Variants in ITPR1 observed in about 807,000 individuals in gnomAD.
ITPR1 encodes inositol 1,4,5-trisphosphate receptor type 1.
A neutral mutation model predicts 318.4 loss-of-function variants in ITPR1; 96 were observed. The observed-to-expected ratio is 0.30, with a 90% confidence interval of 0.26 to 0.36. The LOEUF (loss-of-function observed/expected upper bound fraction) is 0.36, where lower values mean the gene tolerates loss of function less well. Among genes scored for constraint, ITPR1 ranks in the 10% least tolerant of loss-of-function variants. The pLI is 1.00. For missense variants in ITPR1, 2,440 were observed against 3,460.2 expected (o/e 0.71, Z 7.40); for synonymous variants, 1,312 against 1,289.9 (o/e 1.02, Z -0.37).
intron 4 of ITPR1, among the ~76,000 whole-genome samples, chr3:4,544,076 T>G (rs2084732810): frequency 6.6e-6 from 1 of 152,202 alleles, no homozygotes; most frequent in Admixed American, 6.5e-5. Context: ...AAAACTTATC[T>G]TCATGCTCCT....
intron 5 of ITPR1, among the ~76,000 whole-genome samples, chr3:4,637,870 A>G (rs979109909): frequency 7.9e-5 from 12 of 152,238 alleles, no homozygotes; most frequent in Admixed American, 5.2e-4. Context: ...AACTTAGGTC[A>G]CCTTTTGAAA....
chr3:4,800,561 C>A lies in ITPR1; in HGVS notation c.7068C>A (p.Val2356=). The change falls in exon 54 of 62, where the codon GTC becomes GTA. Residue 2356 remains valine, a synonymous_variant. Transcript: ENST00000649015. ...ASTILRLIFS[V]GLQPTLFLLG... is the part of the protein sequence containing the mutation. ...CAATTCTACGACTGATATTTTCAGT[C>A]GGGTTACAACCCACGTTGTTTCTTC... 1 of 1,614,002 alleles carries A rather than the reference C, an allele frequency of 6.2e-7. No homozygotes were observed. The highest frequency in any genetic ancestry group is 8.5e-7 in the Non-Finnish European group (1 of 1,179,900).
intron 4 of ITPR1, among the ~76,000 whole-genome samples, chr3:4,560,480 C>G (rs2086565135): frequency 6.6e-6 from 1 of 151,940 alleles, no homozygotes; most frequent in Non-Finnish European, 1.5e-5. Flanking sequence ...AAGGAAAAAC[C>G]AAATTGAATA....
In ITPR1 at chr3:4,818,240, A is replaced by C; in HGVS notation, c.8026A>C (p.Lys2676Gln). 2 of 1,565,448 alleles carry C rather than the reference A, an allele frequency of 1.3e-6. No individual in the cohort carries two copies. Among genetic ancestry groups the C allele is most frequent in the Middle Eastern group, 1.7e-4 (1 of 5,848 alleles). Reference protein sequence around the residue: ...GPESYVAEMIKERNLDWFPRM... With the variant: ...GPESYVAEMIQERNLDWFPRM... ...TGAGAGTTACGTGGCAGAAATGATC[A>C]AGGTGAGTGGAAAGGCCTCCTGGGA... is the stretch of plus-strand genomic sequence containing the variant. Residue 2676 changes from lysine to glutamine, a missense_variant and splice_region_variant, in exon 60 of 62, where the codon AAG becomes CAG. Physicochemically the swap from Lys to Gln is moderately conservative, Grantham distance 53 (BLOSUM62 1). Around this residue, in one of 23 missense-constraint regions of ITPR1, gnomAD observed 72 missense variants for 197.7 expected, o/e 0.36. Transcript: ENST00000649015.
At chr3:4,732,999 T>C (rs1278259602) in intron 42 of ITPR1, 89 bp from the exon 43 acceptor site, 1 of 1,358,692 alleles carries the variant, frequency 7.4e-7, no homozygotes, top group African/African-American at 1.4e-5. Flanking sequence ...GGGCCAATTA[T>C]AACTGAGTAC....
intron 4 of ITPR1, among the ~76,000 whole-genome samples, chr3:4,627,337 GC>G (rs1357939632): frequency 6.6e-6 from 1 of 152,148 alleles, no homozygotes; most frequent in African/African-American, 2.4e-5. Flanking sequence ...GGTGGCATGT[GC>G]CTGTAGTCCC....
At chr3:4,678,191 G>A (rs1333115148) in intron 24 of ITPR1, among the ~76,000 whole-genome samples, 4 of 152,252 alleles carry the variant, frequency 2.6e-5, no homozygotes, top group East Asian at 1.9e-4. Flanking sequence ...TAATTAGGAC[G>A]ATAAAGACAG....
chr3:4,636,955 C>T (rs1452017784), intron 5 of ITPR1, among the ~76,000 whole-genome samples: 1 of 152,192 alleles, frequency 6.6e-6, no homozygotes, highest in Non-Finnish European at 1.5e-5. Flanking sequence ...TTATACTGTA[C>T]TTATTCTAAG....
chr3:4,605,249 G>A (rs536500692), intron 4 of ITPR1, among the ~76,000 whole-genome samples: 1 of 152,194 alleles, frequency 6.6e-6, no homozygotes, highest in East Asian at 1.9e-4. Context: ...ACCCTGCCCG[G>A]CCCTATAGTT....
chr3:4,785,246 C>A (rs577897333), intron 51 of ITPR1, among the ~76,000 whole-genome samples: 4 of 152,316 alleles, frequency 2.6e-5, no homozygotes, highest in South Asian at 4.1e-4. Flanking sequence ...CTGGAATTTT[C>A]ATCCTGATCT....
At chr3:4,545,853 A>G (rs181675097) in intron 4 of ITPR1, among the ~76,000 whole-genome samples, 1 of 152,004 alleles carries the variant, frequency 6.6e-6, no homozygotes, top group Admixed American at 6.6e-5. Flanking sequence ...TAGGACCCCC[A>G]TGCTTGGCTA....
chr3:4,733,332 G>T, intron 43 of ITPR1, 112 bp downstream of exon 43: 1 of 1,303,476 alleles, frequency 7.7e-7, no homozygotes, highest in Non-Finnish European at 1.1e-6. Flanking sequence ...TTGTGTTGCA[G>T]GTGTATTTTT....
At chr3:4,665,623 T>C (rs147971056) in intron 17 of ITPR1, among the ~76,000 whole-genome samples, 12 of 152,178 alleles carry the variant, frequency 7.9e-5, no homozygotes, top group Non-Finnish European at 1.6e-4. Flanking sequence ...ATTAAAGATA[T>C]AGTGGAGTCT....
At chr3:4,494,310 C>CG (rs1041102737) in intron 1 of ITPR1, 121 bp from the exon 2 acceptor site, 25 of 152,334 alleles carry the variant, frequency 1.6e-4, no homozygotes, top group African/African-American at 4.6e-4. Flanking sequence ...AGTTTGGGGG[C>CG]GGGGGGGCTG....
In ITPR1 at chr3:4,771,613, G is replaced by T. The variant is rs75434906; in HGVS notation, c.5979+2849G>T. On this transcript the variant is annotated intron_variant, in intron 46 of 61. Transcript: ENST00000649015. ...CTGCAGAATTCTCCGTTGAATCAAT[G>T]CCCTGGGAACCCCATGGACAGAAGC... is the stretch of plus-strand genomic sequence containing the variant. Among the ~76,000 whole-genome samples, 1,196 of 152,250 alleles carry T rather than the reference G, an allele frequency of 7.9e-3. 14 individuals are homozygous for T. The highest frequency in any genetic ancestry group is 0.027 in the African/African-American group (1,119 of 41,536).
intron 30 of ITPR1, among the ~76,000 whole-genome samples, chr3:4,685,844 A>G (rs2094384819): frequency 6.6e-6 from 1 of 152,220 alleles, no homozygotes; most frequent in Non-Finnish European, 1.5e-5. Context: ...TCAAGCCTAC[A>G]AGACCCACTC....
intron 44 of ITPR1, among the ~76,000 whole-genome samples, chr3:4,756,449 A>G (rs1395809908): frequency 6.6e-6 from 1 of 152,048 alleles, no homozygotes; most frequent in Admixed American, 6.5e-5. Context: ...CCAGTACCCA[A>G]TAGTTATTTT....
chr3:4,647,322 C>T (rs888410902), intron 10 of ITPR1, among the ~76,000 whole-genome samples: 1 of 152,136 alleles, frequency 6.6e-6, no homozygotes, highest in Non-Finnish European at 1.5e-5. Context: ...TGAGTTGTTC[C>T]CAACTTCTGG....
chr3:4,752,336 C>T (rs1298350062), intron 44 of ITPR1, among the ~76,000 whole-genome samples: 7 of 152,144 alleles, frequency 4.6e-5, no homozygotes, highest in Admixed American at 6.5e-5. Context: ...TCATCCCTCC[C>T]GGGCTGTAGT....
Sources: gnomAD v4.1 joint callset for allele counts (sites outside exome capture counted in the v4.1 genomes callset) on GRCh38, gnomAD v4.1.1 for gene constraint, gnomAD v4.1.1 regional missense constraint, MANE v1.5 for transcripts, NCBI Gene and HGNC (gene_info 2026-07-23, HGNC 2026-07-21) for gene names.